RARB: variants seen among roughly 807,000 people sequenced by gnomAD.
RARB encodes the protein retinoic acid receptor beta.
Under a neutral mutation model 51.9 loss-of-function variants are expected in RARB, and 17 were observed. That is an observed-to-expected ratio of 0.33 (90% CI 0.22 to 0.49). The LOEUF (loss-of-function observed/expected upper bound fraction) is 0.49. Ranked by LOEUF, RARB falls within the 20% of genes least tolerant of loss-of-function variation. The pLI is 0.99. For missense variants in RARB, 369 were observed against 550.8 expected, an observed-to-expected ratio of 0.67 and a Z score of 3.30; for synonymous variants, 215 against 195.4, an observed-to-expected ratio of 1.10 and a Z score of -0.84.
At chr3:24,854,297 T>C (rs1461471190) in intron 1 of RARB, among the ~76,000 whole-genome samples, 1 of 152,216 alleles carries the variant, frequency 6.6e-6, no homozygotes, top group Non-Finnish European at 1.5e-5. Flanking sequence ...AAACAACTCA[T>C]GTTTCTCAAT....
intron 3 of RARB, among the ~76,000 whole-genome samples, chr3:25,530,424 C>T (rs1355533826): frequency 6.6e-6 from 1 of 152,160 alleles, no homozygotes; most frequent in Non-Finnish European, 1.5e-5. Flanking sequence ...GTCTGACGTC[C>T]ACAATGGGTC....
chr3:25,083,091 T>G (rs188826146), intron 3 of RARB, among the ~76,000 whole-genome samples: 2 of 151,858 alleles, frequency 1.3e-5, no homozygotes, highest in African/African-American at 2.4e-5. Context: ...GCTTTTAGAC[T>G]TTTTATCTTT....
At chr3:25,175,732 A>C (rs1333389394) in intron 5 of RARB, among the ~76,000 whole-genome samples, 2 of 152,202 alleles carry the variant, frequency 1.3e-5, no homozygotes, top group Admixed American at 1.3e-4. Flanking sequence ...CCTGATAAAC[A>C]GTGACTCGAT....
At chr3:25,578,770 G>A (rs1490874340) in intron 4 of RARB, among the ~76,000 whole-genome samples, 6 of 152,212 alleles carry the variant, frequency 3.9e-5, no homozygotes, top group East Asian at 3.9e-4. Context: ...GTGGCACCTC[G>A]TGCAAACTCT....
intron 2 of RARB, among the ~76,000 whole-genome samples, chr3:25,028,583 G>A (rs1697802388): frequency 1.3e-5 from 2 of 152,154 alleles, no homozygotes; most frequent in African/African-American, 4.8e-5. Context: ...GGTACAGAGT[G>A]GATTTTAGAA....
intron 4 of RARB, among the ~76,000 whole-genome samples, chr3:25,132,473 T>C (rs902861879): frequency 1.3e-5 from 2 of 152,030 alleles, no homozygotes; most frequent in African/African-American, 2.4e-5. Flanking sequence ...TAGCAGGAGC[T>C]AGAATCCTTA....
intron 5 of RARB, among the ~76,000 whole-genome samples, chr3:25,216,696 C>A (rs1701841196): frequency 6.7e-6 from 1 of 150,212 alleles, no homozygotes; most frequent in African/African-American, 2.5e-5. Flanking sequence ...GCACGTGTAT[C>A]CTGTTTTTTT....
chr3:25,564,787 C>G (rs1700422558), intron 3 of RARB, among the ~76,000 whole-genome samples: 2 of 152,124 alleles, frequency 1.3e-5, no homozygotes, highest in African/African-American at 4.8e-5. Flanking sequence ...CTCTTTGCCT[C>G]TCCATTCCCT....
chr3:25,195,404 T>C (rs1013416632), intron 5 of RARB, among the ~76,000 whole-genome samples: 1 of 152,040 alleles, frequency 6.6e-6, no homozygotes, highest in Non-Finnish European at 1.5e-5. Flanking sequence ...GGTTGGTTAA[T>C]TTCAGCAGTA....
At chr3:25,374,291 C>G (rs17016308) in intron 5 of RARB, among the ~76,000 whole-genome samples, 9,189 of 152,118 alleles carry the variant, frequency 0.06, 331 homozygotes, top group African/African-American at 0.094. Flanking sequence ...GGAACAGGTA[C>G]ACAAGTCTCA....
intron 2 of RARB, among the ~76,000 whole-genome samples, chr3:24,886,046 C>G (rs1703259872): frequency 1.3e-5 from 2 of 152,142 alleles, no homozygotes; most frequent in Admixed American, 1.3e-4. Context: ...AGCCCATATA[C>G]TAGGGTTCTT....
intron 5 of RARB, among the ~76,000 whole-genome samples, chr3:25,293,908 C>T (rs1194885902): frequency 1.3e-5 from 2 of 152,158 alleles, no homozygotes; most frequent in Non-Finnish European, 2.9e-5. Flanking sequence ...TGTGTCGTAA[C>T]TGGGAGTGGC....
chr3:24,968,806 G>A (rs952716960), intron 2 of RARB, among the ~76,000 whole-genome samples: 3 of 152,146 alleles, frequency 2.0e-5, no homozygotes, highest in Non-Finnish European at 4.4e-5. Context: ...TAAGCCCAGA[G>A]TCAGTGTGAG....
intron 5 of RARB, among the ~76,000 whole-genome samples, chr3:25,373,673 C>T (rs1314183790): frequency 6.6e-6 from 1 of 152,102 alleles, no homozygotes. Flanking sequence ...TATTCTTCTA[C>T]TCTGGTAATT....
In RARB at chr3:25,494,261, A is replaced by G. The variant is rs3074677; in HGVS notation, c.307-6921A>G. 1.9e-3 allele frequency among the ~76,000 whole-genome samples: 90 copies of G among 47,308 alleles called. 2 individuals are homozygous for G. The East Asian group carries it at 0.031, about 16-fold the overall frequency. The allele number at this position is 47,308 out of a possible 152,430, so 31.0% of individuals were successfully genotyped here. On this transcript the variant is annotated intron_variant, in intron 2 of 7. Coordinates refer to ENST00000330688, the MANE Select transcript of RARB (RefSeq NM_000965.5). ...TTCCAGCTGTATCTTACGCACACAC[A>G]CACACACACACACACACATGCCATC... is the stretch of plus-strand genomic sequence containing the variant.
intron 3 of RARB, among the ~76,000 whole-genome samples, chr3:25,074,181 C>T (rs972611364): frequency 4.6e-5 from 7 of 152,158 alleles, no homozygotes; most frequent in African/African-American, 1.7e-4. Context: ...AAACTACTAA[C>T]ACACAAAGGA....
chr3:25,053,304 TTGTATCATACA>T (rs1698373523), intron 2 of RARB, among the ~76,000 whole-genome samples: 1 of 152,156 alleles, frequency 6.6e-6, no homozygotes, highest in Non-Finnish European at 1.5e-5. Flanking sequence ...AGCCTCTGCC[TTGTATCATACA>T]TGGTCACCTA....
At chr3:25,113,585 T>A (rs540228303) in intron 3 of RARB, among the ~76,000 whole-genome samples, 13 of 152,300 alleles carry the variant, frequency 8.5e-5, no homozygotes, top group African/African-American at 3.1e-4. Flanking sequence ...CTGTCAATTA[T>A]CCAATGCATT....
chr3:25,137,889 T>G (rs1003140447), intron 4 of RARB, among the ~76,000 whole-genome samples: 1 of 152,076 alleles, frequency 6.6e-6, no homozygotes, highest in Admixed American at 6.6e-5. Flanking sequence ...CAAGAGGTAG[T>G]TGAGTTTAAA....
Sources: gnomAD v4.1 joint callset for allele counts (sites outside exome capture counted in the v4.1 genomes callset) on GRCh38, gnomAD v4.1.1 for gene constraint, MANE v1.5 for transcripts, NCBI Gene and HGNC (gene_info 2026-07-23, HGNC 2026-07-21) for gene names.